Variants in CECR2 observed in about 807,000 individuals in gnomAD.
CECR2 encodes chromatin remodeling regulator CECR2.
CECR2 carries 30 observed loss-of-function variants against 154.5 expected under a neutral mutation model. The observed-to-expected ratio is 0.19, with a 90% CI of 0.15 to 0.26. The LOEUF (loss-of-function observed/expected upper bound fraction) is 0.26. CECR2 is among the 10% of genes least tolerant of loss of function. The probability of loss-of-function intolerance (pLI) is 1.00; values close to 1 mark genes in which losing one functional copy is unlikely to be tolerated. For synonymous variants in CECR2, 725 were observed against 683.7 expected (o/e 1.06, Z -0.94); for missense variants, 1,743 against 1,829.3 (o/e 0.95, Z 0.86).
At position 17,499,925 on chromosome 22, in the gene CECR2, G is replaced by A. The variant is rs565985270; in HGVS notation, c.545+376G>A. 2.0e-3 allele frequency among the ~76,000 whole-genome samples: 309 copies of A among 152,186 alleles called. 2 individuals are homozygous for A. The highest frequency in any genetic ancestry group is 3.4e-3 in the Middle Eastern group (1 of 294). On this transcript the variant is annotated intron_variant, in intron 4 of 18. Transcript: ENST00000262608. ...TATTTCGACTAGAATTAATGATGTA[G>A]TTTATGCCAGGCGCAGTGGCTCATG...
chr22:17,470,416 A>C (rs905504584), intron 1 of CECR2, among the ~76,000 whole-genome samples: 1 of 151,912 alleles, frequency 6.6e-6, no homozygotes, highest in Non-Finnish European at 1.5e-5. Flanking sequence ...AAAGAAAAAA[A>C]AATTCTGTCT....
At chr22:17,530,991 G>C (rs60169391) in intron 9 of CECR2, among the ~76,000 whole-genome samples, 2 of 152,112 alleles carry the variant, frequency 1.3e-5, no homozygotes, top group African/African-American at 4.8e-5. Context: ...CGGTGATGGC[G>C]CCACAACATT....
At chr22:17,426,876 T>A (rs5747127) in intron 1 of CECR2, among the ~76,000 whole-genome samples, 11,490 of 152,054 alleles carry the variant, frequency 0.076, 1,124 homozygotes, top group East Asian at 0.36. Flanking sequence ...ATTTTTTTTT[T>A]AAATTATACT....
At chr22:17,382,610 A>T (rs966494130) in intron 1 of CECR2, among the ~76,000 whole-genome samples, 2 of 152,226 alleles carry the variant, frequency 1.3e-5, no homozygotes, top group African/African-American at 4.8e-5. Flanking sequence ...TACCTTAATT[A>T]AAAAATATTT....
At chr22:17,382,099 C>G (rs750457194) in intron 1 of CECR2, among the ~76,000 whole-genome samples, 2 of 151,486 alleles carry the variant, frequency 1.3e-5, no homozygotes, top group Non-Finnish European at 2.9e-5. Flanking sequence ...GCCGTGTTAG[C>G]CAGGATGGTC....
At chr22:17,460,575 C>T (rs912337026) in intron 1 of CECR2, among the ~76,000 whole-genome samples, 3 of 152,186 alleles carry the variant, frequency 2.0e-5, no homozygotes, top group Non-Finnish European at 4.4e-5. Flanking sequence ...CCCAGTGACC[C>T]AGGTGTCTTG....
chr22:17,430,743 G>A (rs577987423), intron 1 of CECR2, among the ~76,000 whole-genome samples: 1 of 151,936 alleles, frequency 6.6e-6, no homozygotes, highest in Admixed American at 6.6e-5. Context: ...ATCCCTTTGG[G>A]TCATGGCTGC....
intron 9 of CECR2, among the ~76,000 whole-genome samples, chr22:17,528,201 T>TA (rs1271489272): frequency 2.6e-5 from 4 of 152,180 alleles, no homozygotes; most frequent in Admixed American, 1.3e-4. Flanking sequence ...GTGGTACTGA[T>TA]ACACAAGGGA....
chr22:17,541,773 C>G, intron 14 of CECR2, 66 bp from the exon 15 acceptor site: 12 of 1,532,182 alleles, frequency 7.8e-6, no homozygotes, highest in Non-Finnish European at 9.7e-6. Flanking sequence ...CAGGAAAACC[C>G]TTGTTGTCAA....
chr22:17,538,929 C>G, intron 12 of CECR2, 64 bp from the exon 13 acceptor site: 2 of 1,555,518 alleles, frequency 1.3e-6, no homozygotes, highest in South Asian at 1.2e-5. Context: ...CTCTGTCTCT[C>G]TCTCTCTATG....
At chr22:17,508,751 A>G (rs1464890326) in intron 7 of CECR2, among the ~76,000 whole-genome samples, 1 of 152,196 alleles carries the variant, frequency 6.6e-6, no homozygotes, top group Non-Finnish European at 1.5e-5. Context: ...AAAACATAAC[A>G]AAATCACCTA....
At chr22:17,475,146 A>G (rs1196396645) in intron 1 of CECR2, among the ~76,000 whole-genome samples, 1 of 152,114 alleles carries the variant, frequency 6.6e-6, no homozygotes, top group African/African-American at 2.4e-5. Context: ...CTTGGCTGGG[A>G]AGACTTTGCA....
At chr22:17,428,751 TACAGGTGTGA>T (rs1215478602) in intron 1 of CECR2, among the ~76,000 whole-genome samples, 2 of 151,836 alleles carry the variant, frequency 1.3e-5, no homozygotes, top group Non-Finnish European at 2.9e-5. Context: ...GTGCTGGGAT[TACAGGTGTGA>T]GCTACTGCAC....
At chr22:17,453,859 C>T (rs1011035573) in intron 1 of CECR2, among the ~76,000 whole-genome samples, 3 of 152,138 alleles carry the variant, frequency 2.0e-5, no homozygotes, top group African/African-American at 7.2e-5. Context: ...TAAAAATGGC[C>T]TTGCTGAGGA....
At chr22:17,491,667 C>T (rs776535919) in intron 2 of CECR2, among the ~76,000 whole-genome samples, 10 of 150,902 alleles carry the variant, frequency 6.6e-5, no homozygotes, top group Non-Finnish European at 1.5e-4. Flanking sequence ...TTTATTGTAC[C>T]TCTTCATGCC....
intron 1 of CECR2, among the ~76,000 whole-genome samples, chr22:17,432,392 T>G (rs2146640165): frequency 6.6e-6 from 1 of 152,374 alleles, no homozygotes; most frequent in South Asian, 2.1e-4. Flanking sequence ...ACATTTGGGT[T>G]GTTTCTACTT....
At chr22:17,509,427 CTTTTTTTTT>C (rs11389089) in intron 7 of CECR2, among the ~76,000 whole-genome samples, 35 of 141,082 alleles carry the variant, frequency 2.5e-4, no homozygotes, top group African/African-American at 9.1e-4. Context: ...TGTTTCTTTT[CTTTTTTTTT>C]TTTTTAAACA....
At chr22:17,536,973 C>T in intron 9 of CECR2, 130 bp from the exon 10 acceptor site, 2 of 1,011,148 alleles carry the variant, frequency 2.0e-6, no homozygotes, top group Non-Finnish European at 2.8e-6. Flanking sequence ...GAGGGTGGCA[C>T]AGGGAGCAGA....
chr22:17,551,390 G>A (rs547807955), intron 17 of CECR2, among the ~76,000 whole-genome samples: 9 of 151,950 alleles, frequency 5.9e-5, no homozygotes, highest in African/African-American at 1.9e-4. Flanking sequence ...TTTGGCTGCC[G>A]TGTCTGTTTA....
Sources: gnomAD v4.1 joint callset for allele counts (sites outside exome capture counted in the v4.1 genomes callset) on GRCh38, gnomAD v4.1.1 for gene constraint, MANE v1.5 for transcripts, NCBI Gene and HGNC (gene_info 2026-07-23, HGNC 2026-07-21) for gene names.